Variants in CDH20 observed in about 807,000 individuals in gnomAD.
The protein encoded by CDH20 is cadherin-20.
A neutral mutation model predicts 74.2 loss-of-function variants in CDH20; 29 were observed. The observed-to-expected ratio is 0.39, with a 90% confidence interval of 0.29 to 0.53. The LOEUF is 0.53. CDH20 is among the 20% of genes least tolerant of loss of function. The pLI is 0.69. For synonymous variants in CDH20, 469 were observed against 405.4 expected, an observed-to-expected ratio of 1.16 and a Z score of -1.88; for missense variants, 988 against 1,048.3, an observed-to-expected ratio of 0.94 and a Z score of 0.79.
intron 9 of CDH20, among the ~76,000 whole-genome samples, chr18:61,544,526 C>T (rs1001945981): frequency 1.4e-4 from 21 of 152,140 alleles, no homozygotes; most frequent in African/African-American, 4.1e-4. Flanking sequence ...AAGCCAGAAG[C>T]GGGGGATGGA....
chr18:61,493,220 T>C (rs1195870487), intron 2 of CDH20, among the ~76,000 whole-genome samples: 1 of 152,138 alleles, frequency 6.6e-6, no homozygotes, highest in Non-Finnish European at 1.5e-5. Flanking sequence ...TCTGCCAATA[T>C]TTCTGTGCCA....
At chr18:61,437,794 T>A (rs1437088922) in intron 1 of CDH20, among the ~76,000 whole-genome samples, 2 of 152,154 alleles carry the variant, frequency 1.3e-5, no homozygotes, top group Non-Finnish European at 1.5e-5. Flanking sequence ...GCCCTCAAAT[T>A]CTATGATTCC....
intron 1 of CDH20, among the ~76,000 whole-genome samples, chr18:61,433,991 AAAGGT>A (rs1908743791): frequency 6.6e-6 from 1 of 152,132 alleles, no homozygotes; most frequent in African/African-American, 2.4e-5. Flanking sequence ...TTCCCTGAAG[AAAGGT>A]CTGGGATGGC....
chr18:61,393,995 A>T (rs1301240299), intron 1 of CDH20, among the ~76,000 whole-genome samples: 1 of 152,150 alleles, frequency 6.6e-6, no homozygotes, highest in Non-Finnish European at 1.5e-5. Flanking sequence ...TTTTTAATTT[A>T]TGTAATAATC....
rs1910365785 is a variant in CDH20, at chr18:61,353,132, A to G, written c.-153+19305A>G. On this transcript the variant is annotated intron_variant, in intron 1 of 11. Transcript: ENST00000262717. This position sits in a 1 kb window ranked among gnomAD's most constrained non-coding sequence, Gnocchi z 4.6. ...ACCTCCATGATGTGTGCCCCAACAAAGGCGCGGGTCTGATACATCAGTTTC... is the reference window on the plus strand; with the variant it reads ...ACCTCCATGATGTGTGCCCCAACAAGGGCGCGGGTCTGATACATCAGTTTC... Among the ~76,000 whole-genome samples the G allele has an allele frequency of 1.3e-5, 2 of 152,172 alleles. No homozygotes were observed. Among genetic ancestry groups the G allele is most frequent in the South Asian group, 4.1e-4 (2 of 4,826 alleles).
At chr18:61,369,236 G>A (rs1351541822) in intron 1 of CDH20, among the ~76,000 whole-genome samples, 1 of 152,100 alleles carries the variant, frequency 6.6e-6, no homozygotes, top group Non-Finnish European at 1.5e-5. Context: ...TTTATCCGAG[G>A]TCAAATACTT....
chr18:61,536,523 A>G lies in CDH20; in HGVS notation c.1302A>G (p.Gly434=), dbSNP rs763614897. 3.5e-5 allele frequency: 56 copies of G among 1,613,662 alleles called. No individual in the cohort carries two copies. Among genetic ancestry groups the G allele is most frequent in the Non-Finnish European group, 4.3e-5 (51 of 1,179,696 alleles). ...RYSIDRSSDP[G]RFFYVDITTG... ...CCATTGATAGAAGCAGTGACCCTGG[A>G]AGATTTTTCTATGTTGACATTACAA... Residue 434 remains glycine (G), a synonymous_variant, in exon 8 of 12, where the codon GGA becomes GGG. Coordinates refer to ENST00000262717, the MANE Select transcript of CDH20 (RefSeq NM_031891.4).
rs182761174 is a variant in CDH20 at position 61,435,270 on chromosome 18, G to A, written c.-152-55132G>A. On this transcript the variant is annotated intron_variant, in intron 1 of 11. Transcript: ENST00000262717. ...CCCATTACAAAATACTGCCTCTAGT[G>A]GTACCACTATATACTACACACAGGA... 2.6e-5 allele frequency among the ~76,000 whole-genome samples: 4 copies of A among 152,190 alleles called. No homozygotes were observed. The East Asian group carries it at 7.7e-4, about 29-fold the overall frequency.
chr18:61,482,507 G>A (rs1910623337), intron 1 of CDH20, among the ~76,000 whole-genome samples: 1 of 151,980 alleles, frequency 6.6e-6, no homozygotes, highest in Non-Finnish European at 1.5e-5. Context: ...ATTTTCCCTG[G>A]ACTCTTAACT....
intron 1 of CDH20, among the ~76,000 whole-genome samples, chr18:61,416,836 T>C (rs1208775878): frequency 6.6e-6 from 1 of 152,130 alleles, no homozygotes; most frequent in East Asian, 1.9e-4. Flanking sequence ...TGGCAAACAA[T>C]AGTTTATGCC....
intron 6 of CDH20, among the ~76,000 whole-genome samples, chr18:61,514,812 G>A (rs1488634774): frequency 2.6e-5 from 4 of 152,120 alleles, no homozygotes; most frequent in African/African-American, 9.7e-5. Flanking sequence ...TAGGCTGCTT[G>A]GGGGTCAGGG....
intron 1 of CDH20, among the ~76,000 whole-genome samples, chr18:61,347,289 TATATA>T (rs1910144248): frequency 2.4e-5 from 1 of 41,738 alleles, no homozygotes. Flanking sequence ...TCTCTGCTAA[TATATA>T]TATATATATA....
At chr18:61,388,718 T>C (rs1202769464) in intron 1 of CDH20, among the ~76,000 whole-genome samples, 2 of 152,158 alleles carry the variant, frequency 1.3e-5, no homozygotes, top group Non-Finnish European at 2.9e-5. Flanking sequence ...CGAACAGTAA[T>C]ACAAGTTAGA....
intron 1 of CDH20, among the ~76,000 whole-genome samples, chr18:61,424,433 T>C (rs549594237): frequency 3.3e-5 from 5 of 152,226 alleles, no homozygotes; most frequent in African/African-American, 4.8e-5. Flanking sequence ...TTGGAAAGTA[T>C]GGCAGTGTTA....
chr18:61,363,026 T>G (rs1333571563), intron 1 of CDH20, among the ~76,000 whole-genome samples: 1 of 152,166 alleles, frequency 6.6e-6, no homozygotes, highest in Admixed American at 6.5e-5. Context: ...GCCATCATCG[T>G]GACTTAAGGG....
chr18:61,408,234 A>T (rs1912393681), intron 1 of CDH20, among the ~76,000 whole-genome samples: 2 of 152,156 alleles, frequency 1.3e-5, no homozygotes, highest in Non-Finnish European at 2.9e-5. Flanking sequence ...AAGAGTTTGA[A>T]GATGGTGGCA....
chr18:61,339,556 GTGCTGAGTCTTAGACCAATCA>G (rs1457638172), intron 1 of CDH20, among the ~76,000 whole-genome samples: 4 of 151,882 alleles, frequency 2.6e-5, no homozygotes, highest in African/African-American at 9.7e-5. Context: ...CATGTATTAA[GTGCTGAGTCTTAGACCAATCA>G]TGACTAAATA....
intron 1 of CDH20, among the ~76,000 whole-genome samples, chr18:61,454,507 T>C (rs1008987652): frequency 6.6e-6 from 1 of 152,192 alleles, no homozygotes; most frequent in Non-Finnish European, 1.5e-5. Flanking sequence ...AAACACACAA[T>C]GCACACTGAA....
At chr18:61,452,959 T>G (rs1909444109) in intron 1 of CDH20, among the ~76,000 whole-genome samples, 1 of 152,184 alleles carries the variant, frequency 6.6e-6, no homozygotes, top group Admixed American at 6.5e-5. Context: ...TTGAGGAAAT[T>G]ATAAGTTCAC....
Sources: gnomAD v4.1 joint callset for allele counts (sites outside exome capture counted in the v4.1 genomes callset) on GRCh38, gnomAD v4.1.1 for gene constraint, Gnocchi (gnomAD v3.1) non-coding constraint, MANE v1.5 for transcripts, NCBI Gene and HGNC (gene_info 2026-07-23, HGNC 2026-07-21) for gene names.